RAB3GAP1: variants seen among roughly 807,000 people sequenced by gnomAD.
RAB3GAP1 encodes rab3 GTPase-activating protein catalytic subunit.
In RAB3GAP1, 86 loss-of-function variants were observed where a neutral mutation model predicts 130.7. The ratio of observed to expected loss-of-function variants is 0.66; its 90% CI spans 0.55 to 0.79. The LOEUF (loss-of-function observed/expected upper bound fraction) is 0.79, where lower values mean the gene tolerates loss of function less well. Ranked by LOEUF, RAB3GAP1 falls within the 30% of genes least tolerant of loss-of-function variation. RAB3GAP1 has a pLI of 0.00. For missense variants in RAB3GAP1, 1,029 were observed against 1,169.4 expected (o/e 0.88, Z 1.75); for synonymous variants, 367 against 401.7 (o/e 0.91, Z 1.03).
chr2:135,139,774 T>C (rs1264760869), intron 17 of RAB3GAP1, among the ~76,000 whole-genome samples: 2 of 152,174 alleles, frequency 1.3e-5, no homozygotes, highest in East Asian at 3.9e-4. Context: ...TACTGAGTGC[T>C]TGAAATGTGG....
chr2:135,148,218 T>G (rs985164354), intron 17 of RAB3GAP1, among the ~76,000 whole-genome samples: 2 of 152,212 alleles, frequency 1.3e-5, no homozygotes, highest in Non-Finnish European at 2.9e-5. Context: ...TGGTTGGAAT[T>G]CAAAATGATC....
intron 11 of RAB3GAP1, 67 bp downstream of exon 11, chr2:135,126,723 G>T (rs1691360623): frequency 1.5e-6 from 2 of 1,312,606 alleles, no homozygotes; most frequent in East Asian, 4.6e-5. Context: ...CGGAGACACT[G>T]CATACATTCT....
intron 4 of RAB3GAP1, among the ~76,000 whole-genome samples, chr2:135,092,923 T>C (rs1204837859): frequency 6.6e-6 from 1 of 152,228 alleles, no homozygotes; most frequent in Non-Finnish European, 1.5e-5. Flanking sequence ...ATTTGAGCAC[T>C]AATCATTTAT....
intron 13 of RAB3GAP1, among the ~76,000 whole-genome samples, chr2:135,132,008 C>T (rs1310399344): frequency 6.6e-6 from 1 of 152,178 alleles, no homozygotes; most frequent in African/African-American, 2.4e-5. Flanking sequence ...GCTTGTACAT[C>T]GTAAGATGTA....
intron 3 of RAB3GAP1, among the ~76,000 whole-genome samples, chr2:135,079,589 C>A (rs1689728506): frequency 6.6e-6 from 1 of 152,272 alleles, no homozygotes. Flanking sequence ...ATTTGCTGTT[C>A]AATTTCCTGC....
chr2:135,073,082 G>A (rs978365382), intron 3 of RAB3GAP1, among the ~76,000 whole-genome samples: 1 of 152,224 alleles, frequency 6.6e-6, no homozygotes, highest in African/African-American at 2.4e-5. Context: ...CAGAGGTTGG[G>A]CACATATTAA....
intron 3 of RAB3GAP1, among the ~76,000 whole-genome samples, chr2:135,079,289 A>G (rs1333373771): frequency 1.6e-4 from 25 of 152,174 alleles, no homozygotes; most frequent in Non-Finnish European, 2.9e-5. Flanking sequence ...CCTGGCCCCT[A>G]TACTACTTTC....
intron 6 of RAB3GAP1, among the ~76,000 whole-genome samples, chr2:135,114,728 G>T (rs1690915748): frequency 1.3e-5 from 2 of 152,224 alleles, no homozygotes; most frequent in African/African-American, 4.8e-5. Flanking sequence ...ACTTGTGCAT[G>T]AATGATGCTT....
At chr2:135,092,495 G>A (rs1351406655) in intron 4 of RAB3GAP1, among the ~76,000 whole-genome samples, 1 of 152,178 alleles carries the variant, frequency 6.6e-6, no homozygotes, top group Non-Finnish European at 1.5e-5. Flanking sequence ...GTAGGGCAAT[G>A]GCGCGATCTC....
intron 17 of RAB3GAP1, among the ~76,000 whole-genome samples, chr2:135,145,358 TA>T (rs1691963121): frequency 6.6e-6 from 1 of 151,646 alleles, no homozygotes; most frequent in African/African-American, 2.4e-5. Flanking sequence ...ATCCATTAGC[TA>T]ACCTCTCTTC....
chr2:135,162,661 A>G lies in RAB3GAP1; in HGVS notation c.2386+10A>G, dbSNP rs374563780. The G allele has an allele frequency of 9.9e-6, 16 of 1,610,426 alleles. 1 individual carries two copies. The African/African-American group carries it at 1.7e-4, about 17-fold the overall frequency. On this transcript the variant is annotated intron_variant, in intron 20 of 23. Transcript: ENST00000264158. ...AAGGTAAAGGAAGAAGGTAAATGTC[A>G]TATTTAACTAGTCATTAGTCATTTC...
intron 3 of RAB3GAP1, among the ~76,000 whole-genome samples, chr2:135,075,300 G>A (rs1689600538): frequency 6.6e-6 from 1 of 151,890 alleles, no homozygotes; most frequent in Admixed American, 6.6e-5. Context: ...CACACCAAAT[G>A]ATGCATATGT....
At chr2:135,080,300 TATA>T (rs1349212894) in intron 3 of RAB3GAP1, among the ~76,000 whole-genome samples, 4 of 152,190 alleles carry the variant, frequency 2.6e-5, no homozygotes, top group African/African-American at 9.7e-5. Flanking sequence ...AAAAAATACT[TATA>T]ATGAACTTCA....
chr2:135,071,772 G>C (rs2104842906), intron 3 of RAB3GAP1, among the ~76,000 whole-genome samples: 1 of 152,236 alleles, frequency 6.6e-6, no homozygotes, highest in East Asian at 1.9e-4. Flanking sequence ...TGACATTGAG[G>C]GTAGAGGTCT....
intron 3 of RAB3GAP1, among the ~76,000 whole-genome samples, chr2:135,065,931 C>G (rs1261211855): frequency 6.6e-6 from 1 of 151,932 alleles, no homozygotes; most frequent in African/African-American, 2.4e-5. Context: ...CCACCATGCC[C>G]AGCTAATTTT....
chr2:135,071,774 T>C (rs1689478585), intron 3 of RAB3GAP1, among the ~76,000 whole-genome samples: 1 of 152,178 alleles, frequency 6.6e-6, no homozygotes, highest in African/African-American at 2.4e-5. Context: ...ACATTGAGGG[T>C]AGAGGTCTCA....
At chr2:135,157,747 G>A (rs918485206) in intron 19 of RAB3GAP1, among the ~76,000 whole-genome samples, 7 of 150,686 alleles carry the variant, frequency 4.6e-5, no homozygotes, top group African/African-American at 1.2e-4. Flanking sequence ...CAGGAGAATT[G>A]CTTGAACCTG....
intron 3 of RAB3GAP1, among the ~76,000 whole-genome samples, chr2:135,076,244 C>T (rs1689632927): frequency 6.6e-6 from 1 of 152,114 alleles, no homozygotes; most frequent in South Asian, 2.1e-4. Context: ...ATTACTCGGT[C>T]AAAGAGGACA....
At chr2:135,117,678 GCTTCTGCTT>G (rs1306840739) in intron 7 of RAB3GAP1, among the ~76,000 whole-genome samples, 115 of 98,438 alleles carry the variant, frequency 1.2e-3, no homozygotes, top group African/African-American at 4.0e-3. Flanking sequence ...TGCTTCTTCT[GCTTCTGCTT>G]CTTCTTCTGC....
Sources: gnomAD v4.1 joint callset for allele counts (sites outside exome capture counted in the v4.1 genomes callset) on GRCh38, gnomAD v4.1.1 for gene constraint, MANE v1.5 for transcripts, NCBI Gene and HGNC (gene_info 2026-07-23, HGNC 2026-07-21) for gene names.